RTTN: variants seen among roughly 807,000 people sequenced by gnomAD.
RTTN encodes the protein rotatin.
Under a neutral mutation model 269.2 loss-of-function variants are expected in RTTN, and 182 were observed. That is an observed-to-expected ratio of 0.68 (90% CI 0.60 to 0.76). RTTN has a LOEUF of 0.76. Ranked by LOEUF, RTTN falls within the 30% of genes least tolerant of loss-of-function variation. The pLI is 0.00. For missense variants in RTTN, 2,545 were observed against 2,608.6 expected (o/e 0.98, Z 0.53); for synonymous variants, 1,006 against 963.5 (o/e 1.04, Z -0.82).
intron 46 of RTTN, chr18:70,007,708 T>G (rs562680483): frequency 1.3e-5 from 2 of 152,460 alleles, no homozygotes; most frequent in Admixed American, 6.5e-5. Context: ...CCTCTCTAGA[T>G]TCCTCCTCTC....
chr18:70,052,391 C>T (rs576023127), intron 38 of RTTN, among the ~76,000 whole-genome samples: 1 of 152,176 alleles, frequency 6.6e-6, no homozygotes, highest in South Asian at 2.1e-4. Context: ...GAAAATGTTT[C>T]CTCATTGCCA....
At position 70,030,114 on chromosome 18, in the gene RTTN, A is replaced by T. The variant is rs1256028809; in HGVS notation, c.5648-5T>A. ...TGCAATTGTCTATAAGATTGGCTGAAAGACAAAATCTGCAGTAGTCAAAAG... is the reference window on the plus strand; with the variant it reads ...TGCAATTGTCTATAAGATTGGCTGATAGACAAAATCTGCAGTAGTCAAAAG... On this transcript the variant is annotated splice_polypyrimidine_tract_variant and splice_region_variant and intron_variant, in intron 41 of 48. Coordinates refer to ENST00000640769, the MANE Select transcript of RTTN (RefSeq NM_173630.4). 1 of 1,601,050 alleles carries T rather than the reference A, an allele frequency of 6.2e-7. No individual in the cohort carries two copies. Among genetic ancestry groups the T allele is most frequent in the South Asian group, 1.1e-5 (1 of 90,686 alleles).
chr18:70,150,797 TTTC>T, intron 14 of RTTN, 64 bp from the exon 15 acceptor site: 2 of 1,310,932 alleles, frequency 1.5e-6, no homozygotes, highest in Non-Finnish European at 2.1e-6. Flanking sequence ...AAGATCCATC[TTTC>T]TTCTGTTTAC....
intron 44 of RTTN, 70 bp from the exon 45 acceptor site, chr18:70,020,887 C>CAA: frequency 7.9e-7 from 1 of 1,269,760 alleles, no homozygotes; most frequent in Non-Finnish European, 1.1e-6. Context: ...CACTAAGTGG[C>CAA]AAAGCATATC....
chr18:70,024,315 T>C (rs746377017), intron 44 of RTTN, among the ~76,000 whole-genome samples: 2 of 152,220 alleles, frequency 1.3e-5, no homozygotes, highest in African/African-American at 2.4e-5. Flanking sequence ...GGAGCCCTAG[T>C]GATATCAAGT....
intron 7 of RTTN, among the ~76,000 whole-genome samples, chr18:70,195,301 T>G (rs570865936): frequency 6.6e-6 from 1 of 152,384 alleles, no homozygotes; most frequent in South Asian, 2.1e-4. Context: ...TCACCTCCTC[T>G]GAGGGACTTT....
chr18:70,184,870 G>A (rs750977156), intron 10 of RTTN, among the ~76,000 whole-genome samples: 6 of 150,572 alleles, frequency 4.0e-5, no homozygotes, highest in Non-Finnish European at 8.9e-5. Flanking sequence ...ACTCCAGCCT[G>A]GGCAACAGAG....
In RTTN at chr18:70,049,446, T is replaced by C. The variant is rs192776360; in HGVS notation, c.5324-1258A>G. ...TATCCTACGTGGACACTGTACTCCA[T>C]GGTAGACTCAGAACTCCTACATCCA... On this transcript the variant is annotated intron_variant, in intron 39 of 48. Transcript: ENST00000640769. Among the ~76,000 whole-genome samples the C allele has an allele frequency of 1.2e-3, 190 of 152,300 alleles. 1 individual carries two copies. The highest frequency in any genetic ancestry group is 2.1e-3 in the Non-Finnish European group (141 of 68,002).
At chr18:70,168,142 A>G (rs2061041529) in intron 12 of RTTN, among the ~76,000 whole-genome samples, 1 of 151,988 alleles carries the variant, frequency 6.6e-6, no homozygotes, top group South Asian at 2.1e-4. Flanking sequence ...AAGAAAATAA[A>G]TAGGTTCAGA....
chr18:70,051,617 A>C, intron 38 of RTTN, 69 bp from the exon 39 acceptor site: 1 of 1,203,528 alleles, frequency 8.3e-7, no homozygotes, highest in Non-Finnish European at 1.2e-6. Context: ...AAGATATAAA[A>C]CTTACCACAG....
At chr18:70,132,870 A>T (rs938729975) in intron 23 of RTTN, among the ~76,000 whole-genome samples, 2 of 152,156 alleles carry the variant, frequency 1.3e-5, no homozygotes, top group African/African-American at 4.8e-5. Context: ...GTAAAAGAGT[A>T]ATAAAACCCT....
intron 46 of RTTN, among the ~76,000 whole-genome samples, chr18:70,015,835 A>G (rs2056522635): frequency 3.2e-4 from 1 of 3,078 alleles, no homozygotes; most frequent in African/African-American, 3.4e-4. Context: ...CCCTCAAAGA[A>G]AAAAAAAATC....
intron 34 of RTTN, among the ~76,000 whole-genome samples, chr18:70,069,370 A>T (rs1237122655): frequency 6.6e-6 from 1 of 152,230 alleles, no homozygotes; most frequent in Non-Finnish European, 1.5e-5. Context: ...ATAAAAAAAT[A>T]AAATGGACTC....
rs1217230604 is a variant in RTTN at position 70,086,687 on chromosome 18, G to GA, written c.4303-4dup. The GA allele has an allele frequency of 4.5e-6, 1 of 221,388 alleles. No homozygotes were observed. Among genetic ancestry groups the GA allele is most frequent in the Non-Finnish European group, 8.0e-6 (1 of 124,436 alleles). 13.7% of individuals were successfully genotyped at this position (221,388 alleles called of 1,614,324 possible). On this transcript the variant is annotated splice_region_variant and splice_polypyrimidine_tract_variant and intron_variant, in intron 31 of 48. Transcript: ENST00000640769. ...AGATTCTGAAGAATAAATGCCGCCT[G>GA]AAAATGTAAAAAAAAAAAAAAAAAA...
intron 33 of RTTN, chr18:70,075,115 GA>G (rs1367574048): frequency 3.2e-6 from 1 of 317,034 alleles, no homozygotes; most frequent in Non-Finnish European, 5.6e-6. Context: ...AATATTTAGT[GA>G]AAGAAGGAAA....
chr18:70,196,613 A>C lies in RTTN; in HGVS notation c.729T>G (p.Asp243Glu), dbSNP rs772941230. 3.2e-6 allele frequency: 4 copies of C among 1,241,694 alleles called. No individual in the cohort carries two copies. In the East Asian group the frequency reaches 1.0e-4, roughly 32 times the overall value. The allele number at this position is 1,241,694 out of a possible 1,614,324, so 76.9% of individuals were successfully genotyped here. The change falls in exon 7 of 49, where the codon GAT becomes GAG. Residue 243 changes from aspartate (D) to glutamate (E), a missense_variant. By Grantham distance (45) the Asp-to-Glu change is conservative (BLOSUM62 2). Coordinates refer to ENST00000640769, the MANE Select transcript of RTTN (RefSeq NM_173630.4). ...ACTGTAATGCCAGGCGATGCTTTCC[A>C]TCTCCAAAGGCCAGTTTCAACAGAG... is the stretch of plus-strand genomic sequence containing the variant. ...LLSLLKLAFG[D>E]GKHRLALQSV...
chr18:70,170,125 TC>T (rs2061098867), intron 11 of RTTN, among the ~76,000 whole-genome samples: 1 of 152,194 alleles, frequency 6.6e-6, no homozygotes, highest in Non-Finnish European at 1.5e-5. Flanking sequence ...TGAAGAACTT[TC>T]CTTTTTTTTG....
intron 2 of RTTN, 35 bp from the exon 3 acceptor site, chr18:70,204,298 G>GT: frequency 6.5e-7 from 1 of 1,548,916 alleles, no homozygotes. Flanking sequence ...GAGAATAACT[G>GT]TATCAAAATC....
At chr18:70,104,973 T>C (rs1393561134) in intron 28 of RTTN, among the ~76,000 whole-genome samples, 3 of 152,220 alleles carry the variant, frequency 2.0e-5, no homozygotes, top group Non-Finnish European at 4.4e-5. Context: ...GCTGTCTGTC[T>C]GTTCTCAGAT....
Sources: gnomAD v4.1 joint callset for allele counts (sites outside exome capture counted in the v4.1 genomes callset) on GRCh38, gnomAD v4.1.1 for gene constraint, MANE v1.5 for transcripts, NCBI Gene and HGNC (gene_info 2026-07-23, HGNC 2026-07-21) for gene names.